MALRD1: variants seen among roughly 807,000 people sequenced by gnomAD.
The protein encoded by MALRD1 is MAM and LDL-receptor class A domain-containing protein 1.
A neutral mutation model predicts 242.1 loss-of-function variants in MALRD1; 247 were observed. That is an observed-to-expected ratio of 1.02 (90% CI 0.92 to 1.13). The LOEUF is 1.13. Among genes scored for constraint, MALRD1 ranks in the 50% most tolerant of loss-of-function variants. The pLI is 0.00. For missense variants in MALRD1, 2,989 were observed against 2,533.1 expected (o/e 1.18, Z -3.86); for synonymous variants, 995 against 866.6 (o/e 1.15, Z -2.60).
intron 23 of MALRD1, among the ~76,000 whole-genome samples, chr10:19,329,811 C>T (rs921334390): frequency 5.3e-5 from 8 of 152,026 alleles, no homozygotes; most frequent in African/African-American, 1.2e-4. Context: ...TAATCACATT[C>T]GGTATTAAAG....
intron 28 of MALRD1, among the ~76,000 whole-genome samples, chr10:19,446,125 G>T (rs1232381124): frequency 1.3e-5 from 2 of 152,146 alleles, no homozygotes; most frequent in African/African-American, 4.8e-5. Context: ...CATTTGCTAA[G>T]ACCATTGGAA....
intron 21 of MALRD1, among the ~76,000 whole-genome samples, chr10:19,311,362 C>T (rs371228744): frequency 6.6e-6 from 1 of 151,378 alleles, no homozygotes; most frequent in Non-Finnish European, 1.5e-5. Flanking sequence ...TTTAAAATTA[C>T]ATTTTCTCAT....
chr10:19,347,874 A>G lies in MALRD1; in HGVS notation c.4005A>G (p.Ala1335=). The G allele has an allele frequency of 6.4e-7, 1 of 1,550,416 alleles. No individual in the cohort carries two copies. Among genetic ancestry groups the G allele is most frequent in the Non-Finnish European group, 8.7e-7 (1 of 1,146,832 alleles). Reference sequence around the variant, plus strand: ...ACCTGAAAGCTAGCAGCATCCCTGCAGCAGGCACAGAGCCAGCAGCAGATC... The same window carrying G: ...ACCTGAAAGCTAGCAGCATCCCTGCGGCAGGCACAGAGCCAGCAGCAGATC... ...DWNLKASSIP[A]AGTEPAADHT... Residue 1335 remains alanine (A), a synonymous_variant, in exon 25 of 40, where the codon GCA becomes GCG. Transcript: ENST00000454679.
chr10:19,305,795 C>CA (rs1203140853), intron 21 of MALRD1, among the ~76,000 whole-genome samples: 16 of 137,172 alleles, frequency 1.2e-4, no homozygotes, highest in African/African-American at 4.3e-4. Flanking sequence ...TATATATATA[C>CA]CATATATATA....
chr10:19,564,796 A>T (rs1276208564), intron 32 of MALRD1, among the ~76,000 whole-genome samples: 2 of 152,180 alleles, frequency 1.3e-5, no homozygotes, highest in African/African-American at 4.8e-5. Context: ...TTTAAAAGTT[A>T]TTAAAATTAC....
chr10:19,719,866 A>G (rs1044515284), intron 38 of MALRD1, among the ~76,000 whole-genome samples: 1 of 151,686 alleles, frequency 6.6e-6, no homozygotes, highest in African/African-American at 2.4e-5. Context: ...TCATCTTGAC[A>G]GGAATAGAGA....
At chr10:19,518,165 GTTGT>G (rs963786338) in intron 31 of MALRD1, among the ~76,000 whole-genome samples, 1 of 152,122 alleles carries the variant, frequency 6.6e-6, no homozygotes, top group Non-Finnish European at 1.5e-5. Context: ...CTGAAGCTCT[GTTGT>G]TTGTTATACT....
chr10:19,525,111 C>T (rs1834048007), intron 31 of MALRD1, among the ~76,000 whole-genome samples: 1 of 149,774 alleles, frequency 6.7e-6, no homozygotes, highest in Non-Finnish European at 1.5e-5. Flanking sequence ...GACGGGGTTT[C>T]CCTATGTTGG....
Position 19,351,946 on chromosome 10 carries a change from A to G in MALRD1, c.4150-60A>G, listed in dbSNP as rs1234170708. 7 of 1,358,194 alleles carry G rather than the reference A, an allele frequency of 5.2e-6. No individual in the cohort carries two copies. The South Asian group carries it at 1.0e-4, about 20-fold the overall frequency. 84.1% of individuals were successfully genotyped at this position (1,358,194 alleles called of 1,614,324 possible). A position where few individuals can be genotyped will look rare whatever the true frequency, so the allele number is the denominator to read the frequency against. On this transcript the variant is annotated intron_variant, in intron 25 of 39. Transcript: ENST00000454679. Reference sequence around the variant, plus strand: ...AGAGGGCAATGTGATAGAATTGAAAATAATATCATATTAATTATACTAATC... The same window carrying G: ...AGAGGGCAATGTGATAGAATTGAAAGTAATATCATATTAATTATACTAATC...
chr10:19,332,499 C>T (rs1843421453), intron 24 of MALRD1, among the ~76,000 whole-genome samples: 1 of 152,260 alleles, frequency 6.6e-6, no homozygotes, highest in East Asian at 1.9e-4. Context: ...GATTGTGCAA[C>T]ATAGTCCAAT....
chr10:19,266,158 T>TTA (rs1554822515), intron 19 of MALRD1, among the ~76,000 whole-genome samples: 1 of 151,638 alleles, frequency 6.6e-6, no homozygotes, highest in Admixed American at 6.6e-5. Context: ...GTTTTTTTTT[T>TTA]ATCTGTTAAG....
chr10:19,631,225 A>T (rs1839884078), intron 36 of MALRD1, among the ~76,000 whole-genome samples: 1 of 152,082 alleles, frequency 6.6e-6, no homozygotes, highest in Non-Finnish European at 1.5e-5. Flanking sequence ...GCTCCCACTT[A>T]TAAGTGAGAA....
chr10:19,171,601 TACAC>T (rs1198682313), intron 13 of MALRD1, among the ~76,000 whole-genome samples: 8 of 119,232 alleles, frequency 6.7e-5, no homozygotes, highest in Non-Finnish European at 8.8e-5. Context: ...TGTATATAAA[TACAC>T]ACACACATAT....
At chr10:19,285,598 T>A (rs1841072798) in intron 21 of MALRD1, among the ~76,000 whole-genome samples, 2 of 151,146 alleles carry the variant, frequency 1.3e-5, no homozygotes, top group Admixed American at 1.3e-4. Flanking sequence ...CTCTGTTCTG[T>A]TCCATTGGTC....
chr10:19,344,691 A>G (rs776905180), intron 24 of MALRD1, among the ~76,000 whole-genome samples: 90 of 149,552 alleles, frequency 6.0e-4, no homozygotes, highest in African/African-American at 2.0e-3. Flanking sequence ...TGGAACTTTG[A>G]TAAAAATTGC....
At chr10:19,724,720 C>G (rs1166359050) in intron 38 of MALRD1, among the ~76,000 whole-genome samples, 2 of 152,262 alleles carry the variant, frequency 1.3e-5, no homozygotes, top group African/African-American at 4.8e-5. Flanking sequence ...CAAAAATAAA[C>G]TTTTGCCAGA....
intron 22 of MALRD1, among the ~76,000 whole-genome samples, chr10:19,325,294 C>T (rs78479086): frequency 0.01 from 1,543 of 152,080 alleles, 18 homozygotes; most frequent in Non-Finnish European, 0.014. Flanking sequence ...CCATGTCTCT[C>T]TAAAAAGGCC....
chr10:19,073,517 T>C (rs1835222836), intron 2 of MALRD1, among the ~76,000 whole-genome samples: 1 of 152,122 alleles, frequency 6.6e-6, no homozygotes, highest in South Asian at 2.1e-4. Context: ...ACCTGACGCC[T>C]TTGGTTTCTG....
intron 28 of MALRD1, among the ~76,000 whole-genome samples, chr10:19,395,008 T>C (rs1846516558): frequency 6.6e-6 from 1 of 152,218 alleles, no homozygotes; most frequent in Non-Finnish European, 1.5e-5. Context: ...ATTTGACTTC[T>C]CCAAGACTAT....
Sources: gnomAD v4.1 joint callset for allele counts (sites outside exome capture counted in the v4.1 genomes callset) on GRCh38, gnomAD v4.1.1 for gene constraint, MANE v1.5 for transcripts, NCBI Gene and HGNC (gene_info 2026-07-23, HGNC 2026-07-21) for gene names.